The following ZNF536 variants were observed in gnomAD, a reference collection of about 807,000 sequenced individuals.
ZNF536 encodes zinc finger protein 536.
ZNF536 carries 13 observed loss-of-function variants against 84.5 expected under a neutral mutation model. The observed-to-expected ratio is 0.15, with a 90% CI of 0.10 to 0.24. The LOEUF (loss-of-function observed/expected upper bound fraction) is 0.24. Ranked by LOEUF, ZNF536 falls within the 10% of genes least tolerant of loss-of-function variation. The probability of loss-of-function intolerance (pLI) is 1.00; values close to 1 mark genes in which losing one functional copy is unlikely to be tolerated. For missense variants in ZNF536, 1,536 were observed against 1,747.5 expected, an observed-to-expected ratio of 0.88 and a Z score of 2.16; for synonymous variants, 811 against 742.5, an observed-to-expected ratio of 1.09 and a Z score of -1.50.
intron 1 of ZNF536, among the ~76,000 whole-genome samples, chr19:30,391,331 C>G (rs2049579234): frequency 6.6e-6 from 1 of 152,300 alleles, no homozygotes. Context: ...AATCCCAGCA[C>G]TTTGGGAGGC....
At chr19:30,482,131 A>ATG (rs138926025) in intron 2 of ZNF536, among the ~76,000 whole-genome samples, 69 of 150,904 alleles carry the variant, frequency 4.6e-4, no homozygotes, top group Admixed American at 7.3e-4. Flanking sequence ...ATGTGTGTGA[A>ATG]TGTGTGTGTG....
At chr19:30,340,849 C>T (rs1025732855) in intron 2 of ZNF536, among the ~76,000 whole-genome samples, 4 of 152,130 alleles carry the variant, frequency 2.6e-5, no homozygotes, top group African/African-American at 9.7e-5. Context: ...AGATGTGAGC[C>T]TCTCAGAGAG....
At chr19:30,700,369 C>T (rs2051888136) in intron 1 of ZNF536, among the ~76,000 whole-genome samples, 1 of 147,226 alleles carries the variant, frequency 6.8e-6, no homozygotes, top group Admixed American at 6.8e-5. Context: ...CTTCCTTCCT[C>T]CTTTCTTACT....
intron 4 of ZNF536, chr19:30,556,058 A>G (rs1428513373): frequency 6.6e-6 from 1 of 152,228 alleles, no homozygotes; most frequent in Non-Finnish European, 1.5e-5. Context: ...TGATTCTCAC[A>G]TGGATTGGCC....
At chr19:30,706,976 A>G (rs558035709) in intron 1 of ZNF536, among the ~76,000 whole-genome samples, 15 of 152,266 alleles carry the variant, frequency 9.9e-5, no homozygotes, top group Non-Finnish European at 1.6e-4. Flanking sequence ...ATGACCTTCA[A>G]TTGGCTTGTA....
chr19:30,690,473 T>C (rs1353538538), intron 1 of ZNF536, among the ~76,000 whole-genome samples: 1 of 152,228 alleles, frequency 6.6e-6, no homozygotes, highest in African/African-American at 2.4e-5. Flanking sequence ...TATAAAGATG[T>C]GTCTATTTTG....
At chr19:30,698,785 C>T (rs2051770861) in intron 1 of ZNF536, among the ~76,000 whole-genome samples, 1 of 152,216 alleles carries the variant, frequency 6.6e-6, no homozygotes, top group Non-Finnish European at 1.5e-5. Context: ...TCTCCCGTCC[C>T]TTTCCATACT....
At chr19:30,560,928 A>T (rs544848890), downstream of ZNF536, among the ~76,000 whole-genome samples, 1 of 152,242 alleles carries the variant, frequency 6.6e-6, no homozygotes, top group Non-Finnish European at 1.5e-5. Flanking sequence ...CGCATTTTCA[A>T]GGTTAAAGTT....
chr19:30,529,352 A>G (rs1010507527), intron 2 of ZNF536, among the ~76,000 whole-genome samples: 16 of 152,196 alleles, frequency 1.1e-4, no homozygotes, highest in Admixed American at 8.5e-4. Flanking sequence ...ACAGCTGGTG[A>G]CAGTGTTTTC....
intron 1 of ZNF536, among the ~76,000 whole-genome samples, chr19:30,568,200 A>G (rs2046420178): frequency 6.6e-6 from 1 of 152,224 alleles, no homozygotes; most frequent in South Asian, 2.1e-4. Flanking sequence ...TGGTTTTAGA[A>G]TCATTAAATA....
intron 2 of ZNF536, among the ~76,000 whole-genome samples, chr19:30,303,056 G>A (rs1354642797): frequency 6.6e-6 from 1 of 152,186 alleles, no homozygotes; most frequent in Non-Finnish European, 1.5e-5. Flanking sequence ...CAAAGCATTG[G>A]TGGTTCTGGC....
At chr19:30,553,409 T>G (rs2146313310) in intron 4 of ZNF536, among the ~76,000 whole-genome samples, 1 of 152,274 alleles carries the variant, frequency 6.6e-6, no homozygotes, top group South Asian at 2.1e-4. Context: ...AGTTTGTGGA[T>G]TTGGACAGCA....
chr19:30,527,447 C>T (rs533203683), intron 2 of ZNF536, among the ~76,000 whole-genome samples: 20 of 151,892 alleles, frequency 1.3e-4, no homozygotes, highest in Admixed American at 7.2e-4. Context: ...TAATAACCCA[C>T]GAGCAAGCTG....
At chr19:30,630,329 C>A (rs1300237004) in intron 1 of ZNF536, among the ~76,000 whole-genome samples, 1 of 152,126 alleles carries the variant, frequency 6.6e-6, no homozygotes. Flanking sequence ...ATTGCACCAA[C>A]ATAATGGATT....
At chr19:30,635,544 C>T (rs1451034827) in intron 1 of ZNF536, among the ~76,000 whole-genome samples, 1 of 152,124 alleles carries the variant, frequency 6.6e-6, no homozygotes, top group East Asian at 1.9e-4. Context: ...GGCACTCTGG[C>T]CAGGAGCAAG....
rs115643981 is a variant in ZNF536, at chr19:30,551,869, G to A, written c.3895+2355G>A. Among the ~76,000 whole-genome samples, 252 of 152,206 alleles carry A rather than the reference G, an allele frequency of 1.7e-3. 2 individuals carry two copies. Among genetic ancestry groups the A allele is most frequent in the African/African-American group, 5.8e-3 (242 of 41,534 alleles). On this transcript the variant is annotated intron_variant, in intron 4 of 4. Coordinates refer to ENST00000355537, the MANE Select transcript of ZNF536 (RefSeq NM_014717.3). ...CACTGCCCTCTTGCCTCTAGGATGG[G>A]CCTGACTCTGCCAGTTCTCATCCCA...
intron 2 of ZNF536, among the ~76,000 whole-genome samples, chr19:30,462,468 G>A (rs2053185714): frequency 6.6e-6 from 1 of 151,940 alleles, no homozygotes. Flanking sequence ...GTATCCCTCT[G>A]TGCCTGTGTG....
chr19:30,503,118 A>T (rs1210759663), intron 2 of ZNF536, among the ~76,000 whole-genome samples: 1 of 152,086 alleles, frequency 6.6e-6, no homozygotes, highest in African/African-American at 2.4e-5. Context: ...AATGAATTTG[A>T]CTGCATAAAA....
At chr19:30,563,140 C>T (rs76529264) in intron 1 of ZNF536, among the ~76,000 whole-genome samples, 1,641 of 152,188 alleles carry the variant, frequency 0.011, 63 homozygotes, top group Admixed American at 0.066. Flanking sequence ...ACCGAGAACC[C>T]GCTAAAACCC....
Sources: allele counts gnomAD v4.1 joint callset (sites outside exome capture counted in the v4.1 genomes callset), GRCh38; gene constraint gnomAD v4.1.1; transcripts MANE v1.5; gene names NCBI Gene and HGNC (gene_info 2026-07-23, HGNC 2026-07-21).